KCNK1: variants seen among roughly 807,000 people sequenced by gnomAD.
The protein encoded by KCNK1 is potassium two pore domain channel subfamily K member 1, also known as potassium channel subfamily K member 1.
A neutral mutation model predicts 22.2 loss-of-function variants in KCNK1; 10 were observed. The ratio of observed to expected loss-of-function variants is 0.45; its 90% CI spans 0.28 to 0.76. KCNK1 has a LOEUF of 0.76. KCNK1 is among the 30% of genes least tolerant of loss of function. The pLI is 0.14. For missense variants in KCNK1, 378 were observed against 421.0 expected (o/e 0.90, Z 0.89); for synonymous variants, 200 against 186.4 (o/e 1.07, Z -0.60).
At chr1:233,640,411 A>G (rs1349601724) in intron 1 of KCNK1, among the ~76,000 whole-genome samples, 2 of 152,182 alleles carry the variant, frequency 1.3e-5, no homozygotes, top group Non-Finnish European at 2.9e-5. Flanking sequence ...CTTTTGACCT[A>G]CTGATTAGCT....
intron 1 of KCNK1, among the ~76,000 whole-genome samples, chr1:233,620,276 A>C (rs759310477): frequency 1.3e-5 from 2 of 152,220 alleles, no homozygotes; most frequent in Non-Finnish European, 2.9e-5. Flanking sequence ...TCACAAAAAA[A>C]GTTTGCTGAC....
At chr1:233,624,785 C>A (rs1266949652) in intron 1 of KCNK1, among the ~76,000 whole-genome samples, 1 of 151,966 alleles carries the variant, frequency 6.6e-6, no homozygotes, top group African/African-American at 2.4e-5. Flanking sequence ...CACAAAAGGC[C>A]CTAAGTGATA....
At chr1:233,646,602 G>A (rs2102898732) in intron 1 of KCNK1, among the ~76,000 whole-genome samples, 1 of 152,142 alleles carries the variant, frequency 6.6e-6, no homozygotes, top group South Asian at 2.1e-4. Context: ...GCCGAGTGCA[G>A]GGAGTGAGAG....
Position 233,666,692 on chromosome 1 carries a change from T to C in KCNK1, c.453T>C (p.Ala151=). The change falls in exon 2 of 3, where the codon GCT becomes GCC. Residue 151 remains alanine (A), a synonymous_variant. Coordinates refer to ENST00000366621, the MANE Select transcript of KCNK1 (RefSeq NM_002245.4). ...GIPFTLLFLT[A]VVQRITVHVT... ...CCTTCACCCTCCTGTTCCTGACGGC[T>C]GTGGTCCAGCGCATCACCGTGCACG... 6.2e-7 allele frequency: 1 copy of C among 1,614,162 alleles called. No individual in the cohort carries two copies.
intron 1 of KCNK1, among the ~76,000 whole-genome samples, chr1:233,664,705 G>A (rs1208992206): frequency 2.6e-5 from 4 of 152,168 alleles, no homozygotes; most frequent in African/African-American, 9.7e-5. Context: ...GGCCGTACAT[G>A]GGAATAATCA....
intron 1 of KCNK1, among the ~76,000 whole-genome samples, chr1:233,649,736 T>C (rs1334198186): frequency 6.6e-6 from 1 of 152,168 alleles, no homozygotes; most frequent in Admixed American, 6.5e-5. Context: ...CCTTATGACC[T>C]AATCACCTCC....
chr1:233,659,619 C>T (rs139805011), intron 1 of KCNK1, among the ~76,000 whole-genome samples: 15 of 151,648 alleles, frequency 9.9e-5, no homozygotes, highest in African/African-American at 2.9e-4. Context: ...CAAATAGCAG[C>T]GCAGGAGGTT....
intron 1 of KCNK1, among the ~76,000 whole-genome samples, chr1:233,621,333 C>G (rs920335518): frequency 3.9e-5 from 6 of 152,218 alleles, no homozygotes; most frequent in Admixed American, 3.9e-4. Flanking sequence ...AAATAAATTT[C>G]TGTTGTTTAA....
chr1:233,630,352 A>C (rs1211599874), intron 1 of KCNK1, among the ~76,000 whole-genome samples: 1 of 152,200 alleles, frequency 6.6e-6, no homozygotes, highest in Non-Finnish European at 1.5e-5. Flanking sequence ...ACTAAGCTTT[A>C]GTTTACTCTC....
At chr1:233,650,120 T>C (rs1457315997) in intron 1 of KCNK1, 1 of 496,436 alleles carries the variant, frequency 2.0e-6, no homozygotes, top group East Asian at 5.7e-5. Context: ...AGACCTACAG[T>C]TCTCACCAAC....
intron 1 of KCNK1, among the ~76,000 whole-genome samples, chr1:233,634,686 G>T (rs1038280858): frequency 2.0e-4 from 30 of 152,194 alleles, no homozygotes; most frequent in Admixed American, 1.6e-3. Flanking sequence ...TTTATTAAGT[G>T]CCCTGGTTAT....
chr1:233,651,696 A>G lies in KCNK1; in HGVS notation c.356-14899A>G, dbSNP rs778340049. Among the ~76,000 whole-genome samples the G allele has an allele frequency of 4.4e-4, 67 of 152,192 alleles. 1 individual carries two copies. The highest frequency in any genetic ancestry group is 6.5e-4 in the Admixed American group (10 of 15,270). Reference sequence around the variant, plus strand: ...CTCTCTCTTCGAATGTCCCAGATAGAAAGGTGGGTCTGTGTTTGATAGACA... The same window carrying G: ...CTCTCTCTTCGAATGTCCCAGATAGGAAGGTGGGTCTGTGTTTGATAGACA... On this transcript the variant is annotated intron_variant, in intron 1 of 2. Coordinates refer to ENST00000366621, the MANE Select transcript of KCNK1 (RefSeq NM_002245.4).
chr1:233,629,344 A>C (rs1657748794), intron 1 of KCNK1, among the ~76,000 whole-genome samples: 1 of 152,152 alleles, frequency 6.6e-6, no homozygotes, highest in African/African-American at 2.4e-5. Context: ...ATAAACAGGC[A>C]GTATGGTAAG....
intron 2 of KCNK1, among the ~76,000 whole-genome samples, chr1:233,670,457 T>C (rs1658577621): frequency 6.6e-6 from 1 of 152,142 alleles, no homozygotes; most frequent in African/African-American, 2.4e-5. Context: ...ACTGGACAAT[T>C]TACAAAAGAA....
intron 2 of KCNK1, among the ~76,000 whole-genome samples, chr1:233,668,768 GC>G (rs1384328828): frequency 6.6e-6 from 1 of 152,074 alleles, no homozygotes; most frequent in Admixed American, 6.6e-5. Context: ...ACCACATCCG[GC>G]TAATTTTTTG....
intron 1 of KCNK1, among the ~76,000 whole-genome samples, chr1:233,647,920 T>A (rs1658126586): frequency 6.6e-6 from 1 of 152,182 alleles, no homozygotes; most frequent in African/African-American, 2.4e-5. Flanking sequence ...CTCTGCAAAC[T>A]GTACTGAGGA....
chr1:233,645,462 G>A (rs573427434), intron 1 of KCNK1, among the ~76,000 whole-genome samples: 1 of 152,136 alleles, frequency 6.6e-6, no homozygotes, highest in Non-Finnish European at 1.5e-5. Context: ...AGACAGAGGG[G>A]GAAGGCATGT....
rs1016918474 is a variant in KCNK1 at position 233,671,675 on chromosome 1, C to T, written c.*145C>T. On this transcript the variant is annotated 3_prime_UTR_variant, in exon 3 of 3. Transcript: ENST00000366621. ...CTGTTTGCAATGTCTTATTAAAAAA[C>T]AACAAAAAAAGACAAATGGAACAAA... 7 of 947,308 alleles carry T rather than the reference C, an allele frequency of 7.4e-6. No individual in the cohort carries two copies. The highest frequency in any genetic ancestry group is 1.1e-5 in the Non-Finnish European group (7 of 646,882). The allele number at this position is 947,308 out of a possible 1,614,324, so 58.7% of individuals were successfully genotyped here.
chr1:233,670,530 C>T (rs1658578850), intron 2 of KCNK1, among the ~76,000 whole-genome samples: 1 of 152,012 alleles, frequency 6.6e-6, no homozygotes, highest in African/African-American at 2.4e-5. Context: ...TGGTGGAAGG[C>T]AAGGAGGAGG....
Sources: allele counts gnomAD v4.1 joint callset (sites outside exome capture counted in the v4.1 genomes callset), GRCh38; gene constraint gnomAD v4.1.1; transcripts MANE v1.5; gene names NCBI Gene and HGNC (gene_info 2026-07-23, HGNC 2026-07-21).